The following CLIC5 variants were observed in gnomAD, a reference collection of about 807,000 sequenced individuals.
CLIC5 encodes CLIC family member 5, also known as chloride intracellular channel protein 5.
A neutral mutation model predicts 24.7 loss-of-function variants in CLIC5; 20 were observed. The observed-to-expected ratio is 0.81, with a 90% CI of 0.57 to 1.18. The LOEUF (loss-of-function observed/expected upper bound fraction) is 1.18, where lower values mean the gene tolerates loss of function less well. Among genes scored for constraint, CLIC5 ranks in the 50% most tolerant of loss-of-function variants. CLIC5 has a pLI of 0.00. For missense variants in CLIC5, 341 were observed against 326.1 expected, an observed-to-expected ratio of 1.05 and a Z score of -0.35; for synonymous variants, 159 against 135.6, an observed-to-expected ratio of 1.17 and a Z score of -1.20.
intron 5 of CLIC5, chr6:45,912,773 G>A (rs1162142240): frequency 7.2e-7 from 1 of 1,387,716 alleles, no homozygotes; most frequent in South Asian, 1.2e-5. Flanking sequence ...TGATGGGTGG[G>A]GCATGCAGTA....
At chr6:45,955,030 T>A (rs1319365563) in intron 2 of CLIC5, 105 bp downstream of exon 2, 2 of 719,712 alleles carry the variant, frequency 2.8e-6, no homozygotes, top group Admixed American at 4.9e-5. Context: ...CAATGACGTG[T>A]GAGCAGGGGG....
At chr6:46,032,580 C>T (rs1414457412) in intron 1 of CLIC5, among the ~76,000 whole-genome samples, 2 of 152,218 alleles carry the variant, frequency 1.3e-5, no homozygotes, top group Non-Finnish European at 2.9e-5. Context: ...CACAGAATCC[C>T]TCAGGCTATG....
At chr6:46,127,930 A>C in the CLIC5 span, among the ~76,000 whole-genome samples, 3 of 152,208 alleles carry the variant, frequency 2.0e-5, no homozygotes, top group African/African-American at 4.8e-5. Context: ...TATATTTACC[A>C]CTAAAGGAAC....
intron 5 of CLIC5, among the ~76,000 whole-genome samples, chr6:45,907,707 CAATT>C: frequency 6.6e-6 from 1 of 152,098 alleles, no homozygotes; most frequent in Admixed American, 6.5e-5. Flanking sequence ...TTTCATAACT[CAATT>C]AGTATGTTCA....
At position 45,958,441 on chromosome 6, in the gene CLIC5, T is replaced by TACACACACACACACACACAC. The variant is rs1554151283; in HGVS notation, c.64-3198_64-3197insGTGTGTGTGTGTGTGTGTGT. Reference sequence around the variant, plus strand: ...AGACAATTATATATATATATATATATATATATATATATATATATATATATA... The same window carrying TACACACACACACACACACAC: ...AGACAATTATATATATATATATATATACACACACACACACACACACATATATATATATATATATATATATA... On this transcript the variant is annotated intron_variant, in intron 1 of 5. Transcript: ENST00000339561. Among the ~76,000 whole-genome samples, 35 of 17,940 alleles carry TACACACACACACACACACAC rather than the reference T, an allele frequency of 2.0e-3. 1 individual carries two copies. Among genetic ancestry groups the TACACACACACACACACACAC allele is most frequent in the African/African-American group, 2.8e-3 (12 of 4,358 alleles). The allele number at this position is 17,940 out of a possible 152,430, so 11.8% of individuals were successfully genotyped here.
chr6:45,986,462 C>A (rs1765741626), intron 1 of CLIC5, among the ~76,000 whole-genome samples: 4 of 152,106 alleles, frequency 2.6e-5, no homozygotes, highest in Admixed American at 2.0e-4. Context: ...GACATTGTAG[C>A]CTAAGAAGGT....
chr6:45,996,338 C>T (rs1042563458), intron 1 of CLIC5, among the ~76,000 whole-genome samples: 1 of 152,032 alleles, frequency 6.6e-6, no homozygotes, highest in African/African-American at 2.4e-5. Context: ...TGTGCAGAAG[C>T]TCTTTAGTTT....
chr6:46,111,063 A>C, the CLIC5 span, among the ~76,000 whole-genome samples: 1 of 152,120 alleles, frequency 6.6e-6, no homozygotes, highest in African/African-American at 2.4e-5. Flanking sequence ...TAGTTTTTAC[A>C]ATTTCCTACA....
chr6:45,953,779 A>G (rs1326889899), intron 2 of CLIC5, among the ~76,000 whole-genome samples: 1 of 152,134 alleles, frequency 6.6e-6, no homozygotes, highest in Non-Finnish European at 1.5e-5. Flanking sequence ...GAATGTGTGA[A>G]CCTGGAAAGA....
chr6:46,057,767 G>T (rs549406723), intron 1 of CLIC5, among the ~76,000 whole-genome samples: 1 of 152,134 alleles, frequency 6.6e-6, no homozygotes, highest in African/African-American at 2.4e-5. Flanking sequence ...CTCATATGTG[G>T]TACAACCTAC....
At chr6:45,952,142 T>A (rs979559806) in intron 2 of CLIC5, among the ~76,000 whole-genome samples, 2 of 152,132 alleles carry the variant, frequency 1.3e-5, no homozygotes, top group African/African-American at 4.8e-5. Context: ...GTGGTGGTGG[T>A]GGGTTTTTTC....
intron 1 of CLIC5, among the ~76,000 whole-genome samples, chr6:45,991,882 C>T (rs532242828): frequency 5.3e-4 from 80 of 152,206 alleles, no homozygotes; most frequent in African/African-American, 1.6e-3. Flanking sequence ...TGTGTGAATC[C>T]ATAACAAGAT....
At chr6:45,942,624 A>T (rs1764171319) in intron 3 of CLIC5, among the ~76,000 whole-genome samples, 1 of 152,246 alleles carries the variant, frequency 6.6e-6, no homozygotes, top group African/African-American at 2.4e-5. Context: ...GGGTTGCCTT[A>T]CGTTTAAAAA....
intron 4 of CLIC5, among the ~76,000 whole-genome samples, chr6:45,922,835 TAGAGAGAGAG>T (rs36124366): frequency 6.9e-6 from 1 of 144,294 alleles, no homozygotes; most frequent in Admixed American, 6.9e-5. Context: ...GAGAGAGAGA[TAGAGAGAGAG>T]AGAGAGAGAG....
chr6:45,943,804 A>T (rs928423418), intron 3 of CLIC5, among the ~76,000 whole-genome samples: 2 of 152,162 alleles, frequency 1.3e-5, no homozygotes, highest in African/African-American at 4.8e-5. Context: ...TGGTGGTGTC[A>T]TCCTGTTTCC....
the CLIC5 span, among the ~76,000 whole-genome samples, chr6:46,122,170 A>C: frequency 6.6e-6 from 1 of 152,212 alleles, no homozygotes; most frequent in African/African-American, 2.4e-5. Context: ...AACTGACCAC[A>C]TAGTTGGAAG....
chr6:45,908,409 C>T (rs900855980), intron 5 of CLIC5, among the ~76,000 whole-genome samples: 17 of 152,150 alleles, frequency 1.1e-4, no homozygotes, highest in South Asian at 4.1e-4. Flanking sequence ...GTAGGCATTT[C>T]GTGCTATAAA....
At chr6:45,914,102 A>G in intron 5 of CLIC5, 126 bp downstream of exon 5, 1 of 699,974 alleles carries the variant, frequency 1.4e-6, no homozygotes, top group Non-Finnish European at 2.1e-6. Context: ...TTGGGTCCTT[A>G]TTACCTGACT....
intron 6 of CLIC5, among the ~76,000 whole-genome samples, chr6:45,893,244 T>C (rs1411997114): frequency 1.1e-4 from 15 of 132,774 alleles, no homozygotes; most frequent in African/African-American, 5.4e-4. Context: ...TTTTTTTTTG[T>C]TTTAAGAATT....
Sources: allele counts gnomAD v4.1 joint callset (sites outside exome capture counted in the v4.1 genomes callset), GRCh38; gene constraint gnomAD v4.1.1; transcripts MANE v1.5; gene names NCBI Gene and HGNC (gene_info 2026-07-23, HGNC 2026-07-21).